Variants in CAGE1 observed in about 807,000 individuals in gnomAD.
The protein encoded by CAGE1 is cancer antigen 1.
Under a neutral mutation model 94.9 loss-of-function variants are expected in CAGE1, and 66 were observed. That is an observed-to-expected ratio of 0.70 (90% CI 0.57 to 0.85). CAGE1 has a LOEUF of 0.85. Ranked by LOEUF, CAGE1 falls within the 40% of genes least tolerant of loss-of-function variation. The pLI, the probability that CAGE1 is intolerant of heterozygous loss-of-function variation, is 0.00. For missense variants in CAGE1, 865 were observed against 950.4 expected (o/e 0.91, Z 1.18); for synonymous variants, 319 against 321.0 (o/e 0.99, Z 0.07).
At position 7,358,065 on chromosome 6, in the gene CAGE1, T is replaced by TATATATATATATAC. The variant is rs1257084432; in HGVS notation, c.2194-1937_2194-1936insGTATATATATATAT. 9.7e-4 allele frequency among the ~76,000 whole-genome samples: 111 copies of TATATATATATATAC among 114,066 alleles called. 4 individuals carry two copies. Among genetic ancestry groups the TATATATATATATAC allele is most frequent in the African/African-American group, 3.9e-3 (103 of 26,752 alleles). 74.8% of individuals were successfully genotyped at this position (114,066 alleles called of 152,430 possible). On this transcript the variant is annotated intron_variant, in intron 9 of 13. Coordinates refer to ENST00000502583, the MANE Select transcript of CAGE1 (RefSeq NM_001170692.2). ...ATATATATATATATATATATATATA[T>TATATATATATATAC]ATATATGCCTCCAAAACCATCACCA...
At chr6:7,348,338 T>C (rs912185760) in intron 11 of CAGE1, among the ~76,000 whole-genome samples, 17 of 151,978 alleles carry the variant, frequency 1.1e-4, no homozygotes, top group African/African-American at 4.1e-4. Flanking sequence ...TCACTGCAGC[T>C]CGGCCCATAG....
At chr6:7,382,844 A>C (rs201376467) in intron 3 of CAGE1, among the ~76,000 whole-genome samples, 1 of 151,960 alleles carries the variant, frequency 6.6e-6, no homozygotes, top group East Asian at 2.0e-4. Context: ...CGGAAGGTGG[A>C]GGTTGCAGTG....
chr6:7,345,129 A>G (rs2477476), intron 11 of CAGE1, among the ~76,000 whole-genome samples: 2,528 of 44,734 alleles, frequency 0.057, 89 homozygotes, highest in African/African-American at 0.27. Context: ...CTTTAGATCC[A>G]TATTGCTTTT....
intron 11 of CAGE1, chr6:7,338,731 A>G (rs1348637035): frequency 3.0e-6 from 2 of 667,266 alleles, no homozygotes; most frequent in Admixed American, 2.3e-5. Context: ...CCAAGTCCCC[A>G]AAGTCCACTG....
At chr6:7,335,542 T>C (rs1187823609) in intron 11 of CAGE1, among the ~76,000 whole-genome samples, 1 of 152,244 alleles carries the variant, frequency 6.6e-6, no homozygotes, top group African/African-American at 2.4e-5. Context: ...GTGAGAATGC[T>C]GCAGCCGTGA....
intron 11 of CAGE1, among the ~76,000 whole-genome samples, chr6:7,348,345 A>G (rs1478357751): frequency 6.6e-6 from 1 of 152,180 alleles, no homozygotes; most frequent in Non-Finnish European, 1.5e-5. Flanking sequence ...AGCTCGGCCC[A>G]TAGGAAGCCA....
chr6:7,341,083 A>C, intron 11 of CAGE1: 1 of 530,836 alleles, frequency 1.9e-6, no homozygotes, highest in East Asian at 4.7e-5. Context: ...GCAGCTGTGA[A>C]AGGGGATCTC....
At position 7,365,497 on chromosome 6, in the gene CAGE1, G is replaced by T; in HGVS notation, c.2164C>A (p.His722Asn). The T allele has an allele frequency of 6.2e-7, 1 of 1,613,292 alleles. No homozygotes were observed. The part of the protein sequence containing the change: ...TLLGAKLDKY[H>N]SLNEELDFLI... Reference sequence around the variant, plus strand: ...AAATCAAGCTCCTCATTTAGACTGTGGTACTTATCCAGTTTGGCTCCCAGA... The same window carrying T: ...AAATCAAGCTCCTCATTTAGACTGTTGTACTTATCCAGTTTGGCTCCCAGA... Residue 722 changes from histidine to asparagine, a missense_variant, in exon 9 of 14, where the codon CAC becomes AAC. Physicochemically the swap from His to Asn is moderately conservative, Grantham distance 68. Transcript: ENST00000502583.
At chr6:7,359,742 G>T (rs932961112) in intron 9 of CAGE1, among the ~76,000 whole-genome samples, 3 of 152,106 alleles carry the variant, frequency 2.0e-5, no homozygotes, top group African/African-American at 7.2e-5. Context: ...CAAATTTGTG[G>T]ACACAGTTCC....
chr6:7,359,935 C>T (rs1181683446), intron 9 of CAGE1, among the ~76,000 whole-genome samples: 1 of 152,168 alleles, frequency 6.6e-6, no homozygotes, highest in Non-Finnish European at 1.5e-5. Context: ...GGAAGTCTGG[C>T]ACAGGTCTCA....
chr6:7,360,939 T>C (rs1328804231), intron 9 of CAGE1, among the ~76,000 whole-genome samples: 2 of 152,118 alleles, frequency 1.3e-5, no homozygotes, highest in Non-Finnish European at 2.9e-5. Flanking sequence ...AGAGCACGAC[T>C]CTGTCTCAAA....
chr6:7,349,157 G>A (rs1759677413), intron 11 of CAGE1, among the ~76,000 whole-genome samples: 3 of 152,214 alleles, frequency 2.0e-5, no homozygotes, highest in Admixed American at 2.0e-4. Context: ...AGAGCTGTGA[G>A]ACAGAAGCAC....
intron 3 of CAGE1, among the ~76,000 whole-genome samples, chr6:7,382,666 C>T (rs965583421): frequency 4.0e-5 from 6 of 151,192 alleles, no homozygotes; most frequent in African/African-American, 1.2e-4. Flanking sequence ...AATCCCAGCA[C>T]TTTGGGAGGC....
In CAGE1 at chr6:7,356,139, A is replaced by T. The variant is rs1184325674; in HGVS notation, c.2194-10T>A. 2 of 1,437,132 alleles carry T rather than the reference A, an allele frequency of 1.4e-6. No homozygotes were observed. Among genetic ancestry groups the T allele is most frequent in the Non-Finnish European group, 1.9e-6 (2 of 1,043,934 alleles). The allele number at this position is 1,437,132 out of a possible 1,614,324, so 89.0% of individuals were successfully genotyped here. A position where few individuals can be genotyped will look rare whatever the true frequency, so the allele number is the denominator to read the frequency against. ...GTCCCAGTTTTGTGATCTATGGAGA[A>T]ATATCAGTAAACATACTAATCTGGA... is the stretch of plus-strand genomic sequence containing the variant. On this transcript the variant is annotated splice_polypyrimidine_tract_variant and intron_variant, in intron 9 of 13. Coordinates refer to ENST00000502583, the MANE Select transcript of CAGE1 (RefSeq NM_001170692.2).
At chr6:7,350,785 C>A (rs1417586443) in intron 11 of CAGE1, among the ~76,000 whole-genome samples, 2 of 152,010 alleles carry the variant, frequency 1.3e-5, no homozygotes, top group Non-Finnish European at 2.9e-5. Context: ...AGTTTATAGC[C>A]CTAAACAATT....
chr6:7,375,084 T>A (rs6913099), intron 4 of CAGE1, among the ~76,000 whole-genome samples: 81,557 of 151,092 alleles, frequency 0.54, 24,704 homozygotes, highest in African/African-American at 0.84. Context: ...AAGACAGTAA[T>A]TTGTGGTAAG....
At chr6:7,348,416 C>A (rs1168853834) in intron 11 of CAGE1, among the ~76,000 whole-genome samples, 1 of 152,172 alleles carries the variant, frequency 6.6e-6, no homozygotes, top group Non-Finnish European at 1.5e-5. Context: ...ACAAAAGAAT[C>A]TAAACAACAG....
chr6:7,345,212 TTAG>T (rs1277241815), intron 11 of CAGE1, among the ~76,000 whole-genome samples: 1 of 148,332 alleles, frequency 6.7e-6, no homozygotes, highest in Non-Finnish European at 1.5e-5. Flanking sequence ...CTCTTTGAAG[TTAG>T]TATAAGCTAC....
intron 4 of CAGE1, among the ~76,000 whole-genome samples, chr6:7,376,902 AG>A (rs1162228207): frequency 2.0e-5 from 3 of 152,206 alleles, no homozygotes; most frequent in Non-Finnish European, 4.4e-5. Flanking sequence ...CTCCCTGATC[AG>A]GGTAGTGTCC....
Sources: allele counts gnomAD v4.1 joint callset (sites outside exome capture counted in the v4.1 genomes callset), GRCh38; gene constraint gnomAD v4.1.1; transcripts MANE v1.5; gene names NCBI Gene and HGNC (gene_info 2026-07-23, HGNC 2026-07-21).